The following FBXL7 variants were observed in gnomAD, a reference collection of about 807,000 sequenced individuals.
The protein encoded by FBXL7 is F-box/LRR-repeat protein 7.
In FBXL7, 12 loss-of-function variants were observed where a neutral mutation model predicts 38.3. That is an observed-to-expected ratio of 0.31 (90% CI 0.20 to 0.51). The LOEUF is 0.51. FBXL7 is among the 20% of genes least tolerant of loss of function. The pLI is 0.98. For synonymous variants in FBXL7, 297 were observed against 300.9 expected (o/e 0.99, Z 0.13); for missense variants, 567 against 676.4 (o/e 0.84, Z 1.79).
intron 2 of FBXL7, among the ~76,000 whole-genome samples, chr5:15,826,908 G>T (rs1738328796): frequency 6.6e-6 from 1 of 150,920 alleles, no homozygotes; most frequent in African/African-American, 2.4e-5. Context: ...TCTCCTCTGG[G>T]CTGTACCTGT....
At chr5:15,654,130 G>A (rs956456567) in intron 2 of FBXL7, among the ~76,000 whole-genome samples, 6 of 152,178 alleles carry the variant, frequency 3.9e-5, no homozygotes, top group South Asian at 2.1e-4. Context: ...TTACATCCCC[G>A]TAGACAGTGA....
chr5:15,571,452 A>G (rs1461948033), intron 1 of FBXL7, among the ~76,000 whole-genome samples: 1 of 152,326 alleles, frequency 6.6e-6, no homozygotes, highest in South Asian at 2.1e-4. Flanking sequence ...TAAGATAGTC[A>G]GGTGGAAATA....
At chr5:15,738,789 G>A (rs947527621) in intron 2 of FBXL7, among the ~76,000 whole-genome samples, 1 of 152,146 alleles carries the variant, frequency 6.6e-6, no homozygotes, top group Non-Finnish European at 1.5e-5. Flanking sequence ...CAAGACTTTG[G>A]CAAATGTCTG....
intron 2 of FBXL7, among the ~76,000 whole-genome samples, chr5:15,778,564 G>A (rs957042537): frequency 6.6e-6 from 1 of 152,078 alleles, no homozygotes; most frequent in African/African-American, 2.4e-5. Flanking sequence ...TTCACCTGTG[G>A]TCAAGGTCCT....
chr5:15,602,851 T>C (rs936260686), intron 1 of FBXL7, among the ~76,000 whole-genome samples: 2 of 152,178 alleles, frequency 1.3e-5, no homozygotes, highest in Non-Finnish European at 2.9e-5. Context: ...TTTTTATTTT[T>C]TAGAGACAGG....
chr5:15,577,538 T>C (rs1739006497), intron 1 of FBXL7, among the ~76,000 whole-genome samples: 1 of 152,226 alleles, frequency 6.6e-6, no homozygotes, highest in East Asian at 1.9e-4. Context: ...AATTAAAATA[T>C]ATTCTAGTTG....
intron 2 of FBXL7, among the ~76,000 whole-genome samples, chr5:15,863,712 G>A (rs1739580002): frequency 6.6e-6 from 1 of 152,144 alleles, no homozygotes; most frequent in South Asian, 2.1e-4. Context: ...ATAGAATAAT[G>A]CTCTCTTTTG....
chr5:15,825,748 A>C (rs1284775754), intron 2 of FBXL7, among the ~76,000 whole-genome samples: 1 of 152,214 alleles, frequency 6.6e-6, no homozygotes, highest in East Asian at 1.9e-4. Flanking sequence ...TGGTTTTTCT[A>C]AATTGCCAAA....
intron 2 of FBXL7, among the ~76,000 whole-genome samples, chr5:15,650,309 A>G (rs1321660227): frequency 6.6e-6 from 1 of 152,260 alleles, no homozygotes; most frequent in Non-Finnish European, 1.5e-5. Context: ...AGACAGCAGC[A>G]TTATGTCTAA....
chr5:15,852,353 G>C (rs183307927), intron 2 of FBXL7, among the ~76,000 whole-genome samples: 156 of 152,276 alleles, frequency 1.0e-3, no homozygotes, highest in African/African-American at 3.7e-3. Context: ...TGATATATCT[G>C]CCTTACTGCC....
At chr5:15,593,422 G>A (rs1739536160) in intron 1 of FBXL7, among the ~76,000 whole-genome samples, 1 of 152,122 alleles carries the variant, frequency 6.6e-6, no homozygotes, top group Non-Finnish European at 1.5e-5. Context: ...TTCTAGGGAG[G>A]CTGAGGCAGG....
In FBXL7 at chr5:15,756,442, AT is replaced by A. The variant is rs368926189; in HGVS notation, c.127+140372del. 6.9e-3 allele frequency among the ~76,000 whole-genome samples: 1,053 copies of A among 152,268 alleles called. 10 individuals carry two copies. Among genetic ancestry groups the A allele is most frequent in the African/African-American group, 0.024 (1,000 of 41,550 alleles). On this transcript the variant is annotated intron_variant, in intron 2 of 3. Coordinates refer to ENST00000504595, the MANE Select transcript of FBXL7 (RefSeq NM_012304.5). ...GCATTTCAGTGTTAGCTGAAAGTAA[AT>A]TACTCTCTTTCCTTTCTCCATTTTC...
At chr5:15,839,315 G>A (rs535793938) in intron 2 of FBXL7, among the ~76,000 whole-genome samples, 1 of 151,870 alleles carries the variant, frequency 6.6e-6, no homozygotes, top group South Asian at 2.1e-4. Context: ...TCTCTCCCCT[G>A]ACATCAAGGA....
intron 2 of FBXL7, among the ~76,000 whole-genome samples, chr5:15,811,298 TC>T (rs931778501): frequency 2.6e-5 from 4 of 152,184 alleles, no homozygotes; most frequent in Non-Finnish European, 5.9e-5. Context: ...ATGTATTTTC[TC>T]ACAGCTCTGG....
intron 1 of FBXL7, among the ~76,000 whole-genome samples, chr5:15,507,622 T>C (rs1387656609): frequency 4.6e-5 from 7 of 152,210 alleles, no homozygotes; most frequent in African/African-American, 1.7e-4. Context: ...TAATAAAATA[T>C]GTGACAGCAT....
intron 2 of FBXL7, among the ~76,000 whole-genome samples, chr5:15,775,430 G>T (rs1281110823): frequency 6.6e-6 from 1 of 151,996 alleles, no homozygotes; most frequent in Non-Finnish European, 1.5e-5. Flanking sequence ...ATCATGGGAA[G>T]CTGGTGGGGA....
At chr5:15,662,115 G>T (rs1014420941) in intron 2 of FBXL7, among the ~76,000 whole-genome samples, 3 of 152,150 alleles carry the variant, frequency 2.0e-5, no homozygotes, top group Non-Finnish European at 2.9e-5. Context: ...TTCCTTAATG[G>T]TTGAAATAAT....
At chr5:15,713,504 A>G (rs1341042243) in intron 2 of FBXL7, among the ~76,000 whole-genome samples, 2 of 152,096 alleles carry the variant, frequency 1.3e-5, no homozygotes, top group Non-Finnish European at 2.9e-5. Flanking sequence ...TAACTTCCCT[A>G]TCATCAAAAC....
intron 2 of FBXL7, among the ~76,000 whole-genome samples, chr5:15,624,868 T>C (rs1159368606): frequency 1.3e-5 from 2 of 148,812 alleles, no homozygotes; most frequent in East Asian, 3.9e-4. Context: ...GGTACATGTT[T>C]GTTTTTTTTT....
Sources: allele counts gnomAD v4.1 joint callset (sites outside exome capture counted in the v4.1 genomes callset), GRCh38; gene constraint gnomAD v4.1.1; transcripts MANE v1.5; gene names NCBI Gene and HGNC (gene_info 2026-07-23, HGNC 2026-07-21).